PTPRK: variants seen among roughly 807,000 people sequenced by gnomAD.
PTPRK encodes the protein protein tyrosine phosphatase receptor type K.
Under a neutral mutation model 178.0 loss-of-function variants are expected in PTPRK, and 75 were observed. That is an observed-to-expected ratio of 0.42 (90% CI 0.35 to 0.51). The LOEUF (loss-of-function observed/expected upper bound fraction) is 0.51, where lower values mean the gene tolerates loss of function less well. Among genes scored for constraint, PTPRK ranks in the 20% least tolerant of loss-of-function variants. The pLI, the probability that PTPRK is intolerant of heterozygous loss-of-function variation, is 0.02. For missense variants in PTPRK, 1,441 were observed against 1,797.8 expected, an observed-to-expected ratio of 0.80 and a Z score of 3.59; for synonymous variants, 637 against 620.6, an observed-to-expected ratio of 1.03 and a Z score of -0.39.
chr6:128,272,777 C>G (rs989755571), intron 3 of PTPRK, among the ~76,000 whole-genome samples: 21 of 152,128 alleles, frequency 1.4e-4, no homozygotes, highest in African/African-American at 4.8e-4. Context: ...TAAACTAGTT[C>G]AACCATTGTG....
intron 7 of PTPRK, among the ~76,000 whole-genome samples, chr6:128,147,883 C>T (rs568920730): frequency 6.6e-6 from 1 of 152,240 alleles, no homozygotes; most frequent in East Asian, 1.9e-4. Flanking sequence ...GGCTTTTCTG[C>T]CTGCTCTATT....
intron 1 of PTPRK, among the ~76,000 whole-genome samples, chr6:128,404,617 A>G (rs1167182780): frequency 1.3e-5 from 2 of 152,228 alleles, no homozygotes; most frequent in Non-Finnish European, 2.9e-5. Flanking sequence ...ACAAGTTGGA[A>G]TTCAAAAATA....
chr6:128,435,126 A>AAGGCAGGCAGGCAGGCAGGC lies in PTPRK; in HGVS notation c.101-37458_101-37439dup, dbSNP rs775750807. On this transcript the variant is annotated intron_variant, in intron 1 of 29. Coordinates refer to ENST00000368226, the MANE Select transcript of PTPRK (RefSeq NM_002844.4). ...GAAGGAAGGCAGGAAGGCAGGCAGG[A>AAGGCAGGCAGGCAGGCAGGC]AGGCAGGCAGGCAGGCAGGCAGGCA... Among the ~76,000 whole-genome samples the AAGGCAGGCAGGCAGGCAGGC allele has an allele frequency of 4.2e-4, 33 of 79,446 alleles. 1 individual carries two copies. The highest frequency in any genetic ancestry group is 5.4e-4 in the Non-Finnish European group (24 of 44,052). The allele number at this position is 79,446 out of a possible 152,430, so 52.1% of individuals were successfully genotyped here. A position where few individuals can be genotyped will look rare whatever the true frequency, so the allele number is the denominator to read the frequency against.
chr6:128,375,728 G>A (rs567232638), intron 2 of PTPRK, among the ~76,000 whole-genome samples: 10 of 152,268 alleles, frequency 6.6e-5, no homozygotes, highest in South Asian at 2.1e-4. Flanking sequence ...CCTTCCATCT[G>A]TGAGCCTGTA....
intron 7 of PTPRK, among the ~76,000 whole-genome samples, chr6:128,092,327 T>G (rs79376498): frequency 1.3e-5 from 2 of 152,168 alleles, no homozygotes; most frequent in African/African-American, 4.8e-5. Flanking sequence ...CACTTTAGGA[T>G]AGTACTCAGA....
chr6:128,141,702 T>A (rs971436303), intron 7 of PTPRK, among the ~76,000 whole-genome samples: 7 of 152,070 alleles, frequency 4.6e-5, no homozygotes, highest in Admixed American at 2.6e-4. Flanking sequence ...ATGTATTAAC[T>A]CAATTTTGAT....
At chr6:128,412,600 AG>A (rs1842429231) in intron 1 of PTPRK, among the ~76,000 whole-genome samples, 1 of 152,264 alleles carries the variant, frequency 6.6e-6, no homozygotes. Flanking sequence ...GTAGGCCAGC[AG>A]CCTCATATGA....
At chr6:128,363,973 A>G (rs1322618668) in intron 2 of PTPRK, among the ~76,000 whole-genome samples, 1 of 152,120 alleles carries the variant, frequency 6.6e-6, no homozygotes, top group Admixed American at 6.6e-5. Context: ...ACACTTCAAA[A>G]GTAGAAGGAA....
intron 1 of PTPRK, among the ~76,000 whole-genome samples, chr6:128,439,180 A>G (rs975107707): frequency 1.3e-5 from 2 of 152,170 alleles, no homozygotes; most frequent in Non-Finnish European, 2.9e-5. Context: ...AATTGATTGA[A>G]CAGTTATGCA....
intron 1 of PTPRK, among the ~76,000 whole-genome samples, chr6:128,510,391 C>T (rs1256819990): frequency 6.6e-6 from 1 of 152,130 alleles, no homozygotes; most frequent in Non-Finnish European, 1.5e-5. Flanking sequence ...TATTCAGTAC[C>T]CCAAGATATT....
At chr6:128,044,556 T>C (rs974369634) in intron 13 of PTPRK, among the ~76,000 whole-genome samples, 6 of 152,012 alleles carry the variant, frequency 3.9e-5, no homozygotes, top group African/African-American at 1.4e-4. Flanking sequence ...TTCTATTCCT[T>C]GAATATCTAA....
In PTPRK at chr6:128,240,129, C is replaced by T. The variant is rs1814124717; in HGVS notation, c.599G>A (p.Arg200His). ...TGCATTCACCTCTACATCCCCTAGA[C>T]GGAGGAAATGAGGAGATTTATCTGT... ...YPCDKSPHFL[R>H]LGDVEVNAGQ... Residue 200 changes from arginine to histidine, a missense_variant, in exon 5 of 30, where the codon CGT (arginine) becomes CAT (histidine). Arg to His is a conservative substitution (Grantham distance 29). This residue lies in a region of PTPRK where 945 missense variants were observed against 1,080.6 expected (regional missense o/e 0.87). Transcript: ENST00000368226. The T allele has an allele frequency of 5.0e-6, 8 of 1,612,850 alleles. No homozygotes were observed. The highest frequency in any genetic ancestry group is 6.8e-6 in the Non-Finnish European group (8 of 1,179,414).
rs140115867 is a variant in PTPRK, at chr6:128,463,425, G to A, written c.100+56834C>T. Reference sequence around the variant, plus strand: ...CTGGGGGTCTCTGCTTACACATGTTGAATGCCTGTGATGTACATTCACCTC... The same window carrying A: ...CTGGGGGTCTCTGCTTACACATGTTAAATGCCTGTGATGTACATTCACCTC... On this transcript the variant is annotated intron_variant, in intron 1 of 29. Transcript: ENST00000368226. Among the ~76,000 whole-genome samples the A allele has an allele frequency of 4.2e-3, 637 of 152,218 alleles. 2 individuals carry two copies. The highest frequency in any genetic ancestry group is 0.014 in the African/African-American group (594 of 41,526).
intron 7 of PTPRK, among the ~76,000 whole-genome samples, chr6:128,097,165 A>G (rs763683126): frequency 6.6e-6 from 1 of 152,176 alleles, no homozygotes; most frequent in Non-Finnish European, 1.5e-5. Flanking sequence ...CAGGTCCAGG[A>G]ATAATCACAA....
chr6:128,350,624 G>T lies in PTPRK; in HGVS notation c.224-28314C>A, dbSNP rs1049830912. 3.3e-5 allele frequency among the ~76,000 whole-genome samples: 5 copies of T among 152,250 alleles called. No individual in the cohort carries two copies. In the South Asian group the frequency reaches 6.2e-4, roughly 19 times the overall value. The stretch of plus-strand genomic sequence containing the variant: ...GTGCTTTGTAAATATTTAAGCCAAT[G>T]TTTTTAAAGAAAAATTCAACGTAAC... On this transcript the variant is annotated intron_variant, in intron 2 of 29. Coordinates refer to ENST00000368226, the MANE Select transcript of PTPRK (RefSeq NM_002844.4).
intron 6 of PTPRK, among the ~76,000 whole-genome samples, chr6:128,185,586 C>T (rs571536937): frequency 4.5e-4 from 68 of 152,098 alleles, no homozygotes; most frequent in Admixed American, 1.4e-3. Flanking sequence ...TCTTTGAATT[C>T]CTGGAACACT....
chr6:128,427,845 C>G (rs2128391449), intron 1 of PTPRK, among the ~76,000 whole-genome samples: 1 of 152,268 alleles, frequency 6.6e-6, no homozygotes, highest in South Asian at 2.1e-4. Flanking sequence ...GCAATCCCAG[C>G]ACTATGGGAG....
chr6:128,273,679 T>C (rs1042957523), intron 3 of PTPRK, among the ~76,000 whole-genome samples: 2 of 152,194 alleles, frequency 1.3e-5, no homozygotes, highest in East Asian at 3.8e-4. Flanking sequence ...AGTCCTTTCA[T>C]TTGAGATTCA....
intron 2 of PTPRK, among the ~76,000 whole-genome samples, chr6:128,389,605 T>C (rs1839273583): frequency 6.6e-6 from 1 of 151,970 alleles, no homozygotes; most frequent in African/African-American, 2.4e-5. Context: ...AAATTTTGAG[T>C]CTTTGGACTA....
Sources: gnomAD v4.1 joint callset for allele counts (sites outside exome capture counted in the v4.1 genomes callset) on GRCh38, gnomAD v4.1.1 for gene constraint, gnomAD v4.1.1 regional missense constraint, MANE v1.5 for transcripts, NCBI Gene and HGNC (gene_info 2026-07-23, HGNC 2026-07-21) for gene names.